Variants in PPP3R1 observed in about 807,000 individuals in gnomAD.
PPP3R1 encodes protein phosphatase 3 regulatory subunit B, alpha, also known as calcineurin subunit B type 1.
PPP3R1 carries 5 observed loss-of-function variants against 22.6 expected under a neutral mutation model. The ratio of observed to expected loss-of-function variants is 0.22; its 90% CI spans 0.12 to 0.46. The LOEUF is 0.46. Among genes scored for constraint, PPP3R1 ranks in the 20% least tolerant of loss-of-function variants. The pLI is 0.99. For synonymous variants in PPP3R1, 56 were observed against 65.2 expected, an observed-to-expected ratio of 0.86 and a Z score of 0.68; for missense variants, 61 against 203.2, an observed-to-expected ratio of 0.30 and a Z score of 4.25.
intron 1 of PPP3R1, among the ~76,000 whole-genome samples, chr2:68,241,427 G>C (rs1208197839): frequency 3.3e-5 from 5 of 152,076 alleles, no homozygotes; most frequent in Non-Finnish European, 7.3e-5. Flanking sequence ...ATATACATAT[G>C]TACTGCACTA....
chr2:68,243,154 T>C (rs1419688855), intron 1 of PPP3R1, among the ~76,000 whole-genome samples: 1 of 152,206 alleles, frequency 6.6e-6, no homozygotes, highest in Non-Finnish European at 1.5e-5. Flanking sequence ...AAGAACAGTA[T>C]AGGAATCTAT....
intron 1 of PPP3R1, among the ~76,000 whole-genome samples, chr2:68,240,402 GA>G (rs1196737157): frequency 2.0e-5 from 3 of 152,130 alleles, no homozygotes; most frequent in Admixed American, 6.5e-5. Flanking sequence ...CTGCTAAATT[GA>G]ACTTGTATGA....
chr2:68,211,509 T>C (rs754877250), intron 2 of PPP3R1, among the ~76,000 whole-genome samples: 4 of 152,078 alleles, frequency 2.6e-5, no homozygotes, highest in African/African-American at 4.8e-5. Context: ...CACTTCAATG[T>C]TGATGGCCAC....
chr2:68,208,338 G>T (rs1391237143), intron 2 of PPP3R1, among the ~76,000 whole-genome samples: 2 of 152,202 alleles, frequency 1.3e-5, no homozygotes, highest in Non-Finnish European at 2.9e-5. Flanking sequence ...GGTTCAGTAA[G>T]CTTTTTTCTA....
chr2:68,210,915 T>C (rs144330756), intron 2 of PPP3R1, among the ~76,000 whole-genome samples: 13 of 152,210 alleles, frequency 8.5e-5, no homozygotes, highest in African/African-American at 2.4e-4. Flanking sequence ...TCAGTCAGTA[T>C]ATATAATGCA....
intron 2 of PPP3R1, among the ~76,000 whole-genome samples, chr2:68,189,327 T>C (rs532626010): frequency 2.6e-5 from 4 of 152,110 alleles, no homozygotes; most frequent in Admixed American, 6.5e-5. Context: ...AACAACCAAA[T>C]AGCTAACAAA....
chr2:68,208,102 G>A (rs1276780928), intron 2 of PPP3R1, among the ~76,000 whole-genome samples: 3 of 152,252 alleles, frequency 2.0e-5, no homozygotes, highest in South Asian at 2.1e-4. Context: ...GCAGTGAGCC[G>A]AGACCACGCC....
Position 68,180,814 on chromosome 2 carries a change from T to C in PPP3R1, c.*149A>G. ...GAATTACAGTTCAATAACACTTAGTTGGCTTCATGAGGCTCATGTTGGAAA... is the reference window on the plus strand; with the variant it reads ...GAATTACAGTTCAATAACACTTAGTCGGCTTCATGAGGCTCATGTTGGAAA... On this transcript the variant is annotated 3_prime_UTR_variant, in exon 6 of 6. Coordinates refer to ENST00000234310, the MANE Select transcript of PPP3R1 (RefSeq NM_000945.4). 1 of 722,184 alleles carries C rather than the reference T, an allele frequency of 1.4e-6. No individual in the cohort carries two copies. The highest frequency in any genetic ancestry group is 2.7e-5 in the East Asian group (1 of 36,542). The allele number at this position is 722,184 out of a possible 1,614,324, so 44.7% of individuals were successfully genotyped here. A position where few individuals can be genotyped will look rare whatever the true frequency, so the allele number is the denominator to read the frequency against.
intron 1 of PPP3R1, among the ~76,000 whole-genome samples, chr2:68,246,952 T>G (rs6751760): frequency 0.044 from 6,741 of 152,128 alleles, 490 homozygotes; most frequent in African/African-American, 0.15. Flanking sequence ...AAGATTACTA[T>G]TCCCTGCCCA....
At chr2:68,194,192 T>TA (rs1465499602) in intron 2 of PPP3R1, among the ~76,000 whole-genome samples, 3 of 152,140 alleles carry the variant, frequency 2.0e-5, no homozygotes, top group African/African-American at 4.8e-5. Flanking sequence ...GGCAAAAACT[T>TA]AGATATTTTA....
chr2:68,227,118 T>G (rs1296819436), intron 1 of PPP3R1, among the ~76,000 whole-genome samples: 1 of 152,088 alleles, frequency 6.6e-6, no homozygotes, highest in Non-Finnish European at 1.5e-5. Context: ...ATAAAGTTTA[T>G]TTTTATTCTT....
At chr2:68,200,605 G>A (rs1674954690) in intron 2 of PPP3R1, among the ~76,000 whole-genome samples, 1 of 152,178 alleles carries the variant, frequency 6.6e-6, no homozygotes, top group Non-Finnish European at 1.5e-5. Context: ...ATGTTATAAA[G>A]CTTGATGACA....
At chr2:68,194,761 A>G (rs1263798444) in intron 2 of PPP3R1, among the ~76,000 whole-genome samples, 1 of 152,128 alleles carries the variant, frequency 6.6e-6, no homozygotes, top group Non-Finnish European at 1.5e-5. Flanking sequence ...AAAATGAAAT[A>G]AACAGAATGG....
At chr2:68,192,629 TAAG>T (rs1326075360) in intron 2 of PPP3R1, among the ~76,000 whole-genome samples, 3 of 152,252 alleles carry the variant, frequency 2.0e-5, no homozygotes, top group Admixed American at 1.3e-4. Context: ...TAAAAAATAT[TAAG>T]AATACTTGAA....
chr2:68,188,737 C>T (rs1478492441), intron 2 of PPP3R1, 47 bp from the exon 3 acceptor site: 1 of 1,483,800 alleles, frequency 6.7e-7, no homozygotes, highest in Non-Finnish European at 9.0e-7. Context: ...AAAATGTTCC[C>T]AAATCCTTTC....
At chr2:68,187,532 T>C (rs981051755) in intron 3 of PPP3R1, among the ~76,000 whole-genome samples, 1 of 152,210 alleles carries the variant, frequency 6.6e-6, no homozygotes, top group Non-Finnish European at 1.5e-5. Context: ...GGTCAATCAA[T>C]TTGAACAAAC....
chr2:68,197,685 T>C (rs1674817951), intron 2 of PPP3R1, among the ~76,000 whole-genome samples: 1 of 152,156 alleles, frequency 6.6e-6, no homozygotes, highest in Admixed American at 6.6e-5. Context: ...AAAAGCGTTA[T>C]GTAAAAGATT....
chr2:68,249,155 C>T (rs1439295377), intron 1 of PPP3R1, among the ~76,000 whole-genome samples: 1 of 152,188 alleles, frequency 6.6e-6, no homozygotes, highest in African/African-American at 2.4e-5. Context: ...CTTGTCTGTC[C>T]CTCTCATTGC....
chr2:68,191,689 AATT>A (rs1470200671), intron 2 of PPP3R1, among the ~76,000 whole-genome samples: 4 of 152,206 alleles, frequency 2.6e-5, no homozygotes, highest in African/African-American at 7.2e-5. Flanking sequence ...ACTGACCAAA[AATT>A]ATTATGTAGC....
Sources: allele counts gnomAD v4.1 joint callset (sites outside exome capture counted in the v4.1 genomes callset), GRCh38; gene constraint gnomAD v4.1.1; transcripts MANE v1.5; gene names NCBI Gene and HGNC (gene_info 2026-07-23, HGNC 2026-07-21).